Variants in PAK1 observed in about 807,000 individuals in gnomAD.
The protein encoded by PAK1 is serine/threonine-protein kinase PAK 1.
In PAK1, 29 loss-of-function variants were observed where a neutral mutation model predicts 67.4. The observed-to-expected ratio is 0.43, with a 90% CI of 0.32 to 0.59. The LOEUF is 0.59. PAK1 is among the 20% of genes least tolerant of loss of function. The pLI, the probability that PAK1 is intolerant of heterozygous loss-of-function variation, is 0.07. For missense variants in PAK1, 337 were observed against 670.7 expected (o/e 0.50, Z 5.50); for synonymous variants, 223 against 237.4 (o/e 0.94, Z 0.56).
Position 77,429,082 on chromosome 11 carries a change from A to C in PAK1, c.-21-36541T>G, listed in dbSNP as rs940687086. On this transcript the variant is annotated intron_variant, in intron 1 of 14. Coordinates refer to ENST00000356341, the MANE Select transcript of PAK1 (RefSeq NM_002576.5). ...AAAAAAAAAAAAAAAAAAAAAAAAAAAAAAAAAAAAAACACACACACACAC... is the reference window on the plus strand; with the variant it reads ...AAAAAAAAAAAAAAAAAAAAAAAAACAAAAAAAAAAAACACACACACACAC... Among the ~76,000 whole-genome samples the C allele has an allele frequency of 4.5e-4, 53 of 118,498 alleles. 2 individuals are homozygous for C. The highest frequency in any genetic ancestry group is 4.3e-3 in the Middle Eastern group (1 of 234). 77.7% of individuals were successfully genotyped at this position (118,498 alleles called of 152,430 possible).
intron 1 of PAK1, among the ~76,000 whole-genome samples, chr11:77,453,445 C>G (rs1007210310): frequency 2.0e-5 from 3 of 151,164 alleles, no homozygotes; most frequent in Non-Finnish European, 4.4e-5. Context: ...CAAACTGATT[C>G]TAAACACCTT....
intron 1 of PAK1, among the ~76,000 whole-genome samples, chr11:77,400,117 G>A (rs1017137789): frequency 1.3e-5 from 2 of 152,028 alleles, no homozygotes; most frequent in Non-Finnish European, 2.9e-5. Flanking sequence ...TCTGGAGTAG[G>A]TCCAGGCATT....
chr11:77,332,962 G>T, intron 13 of PAK1, 95 bp from the exon 14 acceptor site: 1 of 1,110,114 alleles, frequency 9.0e-7, no homozygotes, highest in Non-Finnish European at 1.4e-6. Context: ...GCTGCTTTAT[G>T]CTCTAGGATG....
the PAK1 span, among the ~76,000 whole-genome samples, chr11:77,491,787 C>T: frequency 1.3e-5 from 2 of 151,598 alleles, no homozygotes; most frequent in Admixed American, 1.3e-4. Context: ...AAGAGAAGAC[C>T]ACAAAACAAC....
intron 1 of PAK1, among the ~76,000 whole-genome samples, chr11:77,453,362 A>C (rs1274383562): frequency 1.3e-5 from 2 of 152,148 alleles, no homozygotes; most frequent in African/African-American, 4.8e-5. Flanking sequence ...CTCAGGAAAA[A>C]AAAAAATTTT....
At chr11:77,387,481 G>C (rs1273717968) in intron 2 of PAK1, among the ~76,000 whole-genome samples, 2 of 152,216 alleles carry the variant, frequency 1.3e-5, no homozygotes, top group Non-Finnish European at 2.9e-5. Context: ...GGAAGACTTA[G>C]TTCCATACTC....
the PAK1 span, among the ~76,000 whole-genome samples, chr11:77,488,940 A>G: frequency 1.3e-5 from 2 of 152,196 alleles, no homozygotes; most frequent in Non-Finnish European, 2.9e-5. Context: ...ATATTCAAGT[A>G]CAAGAAGGTT....
At chr11:77,451,361 T>C (rs1314498238) in intron 1 of PAK1, among the ~76,000 whole-genome samples, 1 of 152,112 alleles carries the variant, frequency 6.6e-6, no homozygotes, top group African/African-American at 2.4e-5. Flanking sequence ...TACAGAAAAA[T>C]CTGAACAAAC....
At chr11:77,489,738 C>T in the PAK1 span, among the ~76,000 whole-genome samples, 6 of 151,580 alleles carry the variant, frequency 4.0e-5, no homozygotes, top group South Asian at 1.2e-3. Flanking sequence ...GACGAAGTCT[C>T]GTTCACTCAG....
At chr11:77,379,485 A>G in intron 3 of PAK1, 97 bp from the exon 4 acceptor site, 1 of 1,101,860 alleles carries the variant, frequency 9.1e-7, no homozygotes, top group Admixed American at 2.3e-5. Flanking sequence ...GCAGCAAAAG[A>G]TGCATTTATT....
intron 1 of PAK1, among the ~76,000 whole-genome samples, chr11:77,436,761 A>G (rs1280174771): frequency 6.6e-6 from 1 of 152,242 alleles, no homozygotes; most frequent in East Asian, 1.9e-4. Context: ...AGCAAACTCC[A>G]AATTACATAT....
chr11:77,341,199 G>T (rs1165436088), intron 10 of PAK1, among the ~76,000 whole-genome samples: 1 of 152,118 alleles, frequency 6.6e-6, no homozygotes, highest in Non-Finnish European at 1.5e-5. Context: ...AGTCCTACCA[G>T]ATCTGAGATC....
chr11:77,462,530 C>G (rs1485831849), intron 1 of PAK1, among the ~76,000 whole-genome samples: 2 of 151,556 alleles, frequency 1.3e-5, no homozygotes, highest in East Asian at 3.9e-4. Flanking sequence ...AATAACAGTT[C>G]TTAGTAAAGA....
chr11:77,427,352 T>C (rs1046058089), intron 1 of PAK1, among the ~76,000 whole-genome samples: 12 of 152,214 alleles, frequency 7.9e-5, no homozygotes, highest in Admixed American at 7.8e-4. Context: ...TAGCTAGGAA[T>C]TATTTTATTT....
At chr11:77,336,337 G>T in intron 12 of PAK1, 55 bp from the exon 13 acceptor site, 4 of 1,376,816 alleles carry the variant, frequency 2.9e-6, no homozygotes, top group Non-Finnish European at 3.1e-6. Context: ...ACTCACTTCA[G>T]TAAGTGTTGA....
At chr11:77,456,773 G>C (rs916600314) in intron 1 of PAK1, among the ~76,000 whole-genome samples, 6 of 150,730 alleles carry the variant, frequency 4.0e-5, no homozygotes, top group African/African-American at 1.5e-4. Context: ...ACGGAGTCTC[G>C]CACTGCCACC....
chr11:77,326,684 C>T (rs115549529), intron 14 of PAK1, among the ~76,000 whole-genome samples: 9 of 152,010 alleles, frequency 5.9e-5, no homozygotes, highest in East Asian at 3.9e-4. Context: ...GATCCTGTCT[C>T]GAAAAAACAG....
the PAK1 span, among the ~76,000 whole-genome samples, chr11:77,502,328 A>G: frequency 1.3e-5 from 2 of 152,246 alleles, no homozygotes; most frequent in African/African-American, 4.8e-5. Context: ...TAAAGACTTC[A>G]TAAATGTCTA....
intron 1 of PAK1, among the ~76,000 whole-genome samples, chr11:77,419,157 T>C (rs1300555565): frequency 6.6e-6 from 1 of 152,172 alleles, no homozygotes; most frequent in Admixed American, 6.5e-5. Context: ...ACTTATGAAA[T>C]TGAGGCATAC....
Sources: allele counts gnomAD v4.1 joint callset (sites outside exome capture counted in the v4.1 genomes callset), GRCh38; gene constraint gnomAD v4.1.1; transcripts MANE v1.5; gene names NCBI Gene and HGNC (gene_info 2026-07-23, HGNC 2026-07-21).